The following SRRM3 variants were observed in gnomAD, a reference collection of about 807,000 sequenced individuals.
The protein encoded by SRRM3 is serine/arginine repetitive matrix 3.
A neutral mutation model predicts 66.2 loss-of-function variants in SRRM3; 27 were observed. That is an observed-to-expected ratio of 0.41 (90% CI 0.30 to 0.56). SRRM3 has a LOEUF of 0.56. Ranked by LOEUF, SRRM3 falls within the 20% of genes least tolerant of loss-of-function variation. SRRM3 has a pLI of 0.32. For missense variants in SRRM3, 918 were observed against 991.9 expected, an observed-to-expected ratio of 0.93 and a Z score of 1.00; for synonymous variants, 391 against 414.9, an observed-to-expected ratio of 0.94 and a Z score of 0.70.
chr7:76,285,638 A>G lies in SRRM3; in HGVS notation c.1757A>G (p.Tyr586Cys). The change falls in exon 15 of 15, where the codon TAC (tyrosine) becomes TGC (cysteine). Residue 586 changes from tyrosine to cysteine, a missense_variant. By Grantham distance (194) the Tyr-to-Cys change is radical. Coordinates refer to ENST00000611745, the MANE Select transcript of SRRM3 (RefSeq NM_001110199.3). This position sits in a 1 kb window ranked among gnomAD's most constrained non-coding sequence, Gnocchi z 4.1. ...AGCGCCCGCAAGCGTCCTATTCCAT[A>G]CTACCGGCCCAGCCCCTCTTCCTCC... is the stretch of plus-strand genomic sequence containing the variant. The part of the protein sequence containing the change: ...ITSARKRPIP[Y>C]YRPSPSSSSS... 1 of 1,550,726 alleles carries G rather than the reference A, an allele frequency of 6.4e-7. No homozygotes were observed. Among genetic ancestry groups the G allele is most frequent in the Non-Finnish European group, 8.7e-7 (1 of 1,146,894 alleles).
chr7:76,274,856 A>G (rs1050214540), intron 11 of SRRM3, among the ~76,000 whole-genome samples: 1 of 152,242 alleles, frequency 6.6e-6, no homozygotes, highest in Non-Finnish European at 1.5e-5. Flanking sequence ...CTGTAATCCC[A>G]GCACTCTGGG....
chr7:76,222,410 C>CAAAAA (rs572163883), intron 1 of SRRM3, among the ~76,000 whole-genome samples: 1 of 84,418 alleles, frequency 1.2e-5, no homozygotes. Flanking sequence ...GACCCCGTCT[C>CAAAAA]AAAAAAAAAA....
intron 2 of SRRM3, among the ~76,000 whole-genome samples, chr7:76,245,384 T>C (rs1271052902): frequency 4.6e-5 from 7 of 152,194 alleles, no homozygotes; most frequent in Admixed American, 4.6e-4. Flanking sequence ...GTCTTCTTTT[T>C]AAATTTTTTT....
intron 1 of SRRM3, among the ~76,000 whole-genome samples, chr7:76,218,806 G>A (rs1475485960): frequency 2.1e-5 from 3 of 142,300 alleles, no homozygotes; most frequent in East Asian, 4.5e-4. Context: ...AGCTTCCCAA[G>A]TAGCTGGGAC....
chr7:76,280,569 C>T (rs1802470071), intron 11 of SRRM3, among the ~76,000 whole-genome samples: 1 of 151,414 alleles, frequency 6.6e-6, no homozygotes, highest in Non-Finnish European at 1.5e-5. Context: ...CCCCTTTGGC[C>T]CCCGCCCCCC....
intron 8 of SRRM3, among the ~76,000 whole-genome samples, chr7:76,264,493 C>T (rs1801960986): frequency 6.6e-6 from 1 of 152,160 alleles, no homozygotes; most frequent in African/African-American, 2.4e-5. Context: ...CTGGGGCCAG[C>T]CACACTTCTG....
At chr7:76,219,282 A>T (rs994701192) in intron 1 of SRRM3, among the ~76,000 whole-genome samples, 2 of 152,114 alleles carry the variant, frequency 1.3e-5, no homozygotes, top group Non-Finnish European at 2.9e-5. Context: ...TGTCCCATTT[A>T]CAAGGCTCTG....
Position 76,222,858 on chromosome 7 carries a change from C to G in SRRM3, c.-39-12170C>G, listed in dbSNP as rs541339865. ...CTCGAACTCCTGACCTCCAATGATT[C>G]TCCTGGCTCAGCCTCCCAAAGTGCT... is the stretch of plus-strand genomic sequence containing the variant. On this transcript the variant is annotated intron_variant, in intron 1 of 14. Transcript: ENST00000611745. Among the ~76,000 whole-genome samples the G allele has an allele frequency of 2.2e-4, 34 of 152,210 alleles. 1 individual carries two copies. In the South Asian group the frequency reaches 5.6e-3, roughly 25 times the overall value.
intron 10 of SRRM3, among the ~76,000 whole-genome samples, chr7:76,265,768 T>C (rs1265987409): frequency 7.3e-6 from 1 of 137,430 alleles, no homozygotes; most frequent in Non-Finnish European, 1.5e-5. Context: ...TTATATATAT[T>C]TAATATTTAT....
chr7:76,211,473 C>A (rs1554601692), intron 1 of SRRM3, among the ~76,000 whole-genome samples: 2 of 152,150 alleles, frequency 1.3e-5, no homozygotes, highest in East Asian at 3.9e-4. Flanking sequence ...CCGTAGACAG[C>A]AGAGAACGCC....
intron 1 of SRRM3, among the ~76,000 whole-genome samples, chr7:76,233,577 G>A (rs190364022): frequency 3.9e-5 from 6 of 152,276 alleles, no homozygotes; most frequent in Admixed American, 2.0e-4. Context: ...GGCTGGTCTC[G>A]GGACAGAGGC....
chr7:76,250,293 G>A (rs1801544308), intron 3 of SRRM3, among the ~76,000 whole-genome samples: 2 of 151,874 alleles, frequency 1.3e-5, no homozygotes, highest in East Asian at 1.9e-4. Context: ...GTGCAGTGGT[G>A]TGATCTCAGC....
chr7:76,253,404 G>A (rs939396446), intron 3 of SRRM3, among the ~76,000 whole-genome samples: 1 of 151,984 alleles, frequency 6.6e-6, no homozygotes, highest in Admixed American at 6.6e-5. Context: ...GGTGGATCAT[G>A]AGGTCAGGAG....
intron 1 of SRRM3, among the ~76,000 whole-genome samples, chr7:76,208,025 G>A (rs149666205): frequency 9.2e-5 from 14 of 152,316 alleles, no homozygotes; most frequent in African/African-American, 1.9e-4. Context: ...TGGGGTCTGC[G>A]TGTGTGGATT....
intron 1 of SRRM3, among the ~76,000 whole-genome samples, chr7:76,205,655 C>G (rs1263074815): frequency 6.6e-6 from 1 of 152,162 alleles, no homozygotes; most frequent in Non-Finnish European, 1.5e-5. Context: ...GTGAACAACC[C>G]TGAGAGGGTG....
At position 76,211,810 on chromosome 7, in the gene SRRM3, T is replaced by TTAC. The variant is rs1277711258; in HGVS notation, c.-40+9749_-40+9751dup. Among the ~76,000 whole-genome samples the TTAC allele has an allele frequency of 6.3e-3, 876 of 138,764 alleles. 7 individuals are homozygous for TTAC. Among genetic ancestry groups the TTAC allele is most frequent in the African/African-American group, 0.022 (788 of 36,140 alleles). The allele number at this position is 138,764 out of a possible 152,430, so 91.0% of individuals were successfully genotyped here. Reference sequence around the variant, plus strand: ...GGCCTGAATTTTATTATTATTACTATTACTACTATTATTATTATTATTATT... The same window carrying TTAC: ...GGCCTGAATTTTATTATTATTACTATTACTACTACTATTATTATTATTATTATT... On this transcript the variant is annotated intron_variant, in intron 1 of 14. Transcript: ENST00000611745.
intron 3 of SRRM3, among the ~76,000 whole-genome samples, chr7:76,254,041 G>A (rs1801646271): frequency 6.6e-6 from 1 of 151,872 alleles, no homozygotes; most frequent in Non-Finnish European, 1.5e-5. Flanking sequence ...TTTTTGAGAT[G>A]GAGTCTCACT....
chr7:76,232,344 G>A (rs1438183631), intron 1 of SRRM3, among the ~76,000 whole-genome samples: 1 of 152,030 alleles, frequency 6.6e-6, no homozygotes, highest in Admixed American at 6.6e-5. Flanking sequence ...GCCACGAGGA[G>A]GGCAGATCAC....
intron 11 of SRRM3, among the ~76,000 whole-genome samples, chr7:76,280,516 C>CGG (rs553179115): frequency 6.6e-6 from 1 of 151,006 alleles, no homozygotes; most frequent in African/African-American, 2.4e-5. Context: ...TCCGTCCCAT[C>CGG]GGGGGGGCAA....
Sources: allele counts gnomAD v4.1 joint callset (sites outside exome capture counted in the v4.1 genomes callset), GRCh38; gene constraint gnomAD v4.1.1; non-coding constraint Gnocchi (gnomAD v3.1); transcripts MANE v1.5; gene names NCBI Gene and HGNC (gene_info 2026-07-23, HGNC 2026-07-21).